Variants in AOPEP observed in about 807,000 individuals in gnomAD.
The protein encoded by AOPEP is aminopeptidase O.
In AOPEP, 77 loss-of-function variants were observed where a neutral mutation model predicts 98.1. The ratio of observed to expected loss-of-function variants is 0.78; its 90% CI spans 0.65 to 0.95. The LOEUF is 0.95. AOPEP is among the 40% of genes least tolerant of loss of function. AOPEP has a pLI of 0.00. For missense variants in AOPEP, 1,024 were observed against 1,024.7 expected (o/e 1.00, Z 0.01); for synonymous variants, 346 against 365.3 (o/e 0.95, Z 0.60).
At chr9:95,072,307 G>T (rs1489476197) in intron 14 of AOPEP, among the ~76,000 whole-genome samples, 4 of 152,254 alleles carry the variant, frequency 2.6e-5, no homozygotes, top group Non-Finnish European at 5.9e-5. Context: ...GAAAAAATTT[G>T]CCAGCCTCTC....
intron 13 of AOPEP, among the ~76,000 whole-genome samples, chr9:95,028,734 C>T (rs1301169506): frequency 6.6e-6 from 1 of 152,164 alleles, no homozygotes; most frequent in Non-Finnish European, 1.5e-5. Flanking sequence ...CAGCCCATTG[C>T]TTCACTGTTG....
At chr9:95,121,771 A>G in the AOPEP span, among the ~76,000 whole-genome samples, 1 of 152,208 alleles carries the variant, frequency 6.6e-6, no homozygotes, top group African/African-American at 2.4e-5. Flanking sequence ...AAAACAACCA[A>G]AACTAAACAA....
the AOPEP span, chr9:95,123,485 C>CA: frequency 2.2e-6 from 1 of 464,876 alleles, no homozygotes; most frequent in Non-Finnish European, 4.3e-6. Flanking sequence ...AATAAAAATA[C>CA]AAAAATTAGT....
At chr9:95,092,044 G>A (rs930818387), downstream of AOPEP, among the ~76,000 whole-genome samples, 1 of 145,148 alleles carries the variant, frequency 6.9e-6, no homozygotes, top group Non-Finnish European at 1.5e-5. Flanking sequence ...GGCACCAAAA[G>A]CCTGTTGAAG....
intron 4 of AOPEP, among the ~76,000 whole-genome samples, chr9:94,797,676 A>C (rs954403945): frequency 6.6e-5 from 10 of 151,658 alleles, no homozygotes; most frequent in African/African-American, 2.4e-4. Context: ...TTCAGTCTCC[A>C]CAGTAAGTTA....
At chr9:95,083,476 G>A (rs553540568) in intron 16 of AOPEP, among the ~76,000 whole-genome samples, 2 of 142,720 alleles carry the variant, frequency 1.4e-5, no homozygotes, top group African/African-American at 5.3e-5. Context: ...GAGCACACGC[G>A]GCACACGCAG....
chr9:95,028,068 A>T (rs902891868), intron 13 of AOPEP, among the ~76,000 whole-genome samples: 1 of 152,234 alleles, frequency 6.6e-6, no homozygotes, highest in Non-Finnish European at 1.5e-5. Flanking sequence ...GAAGCGGGGC[A>T]TGCAGTCTGT....
At chr9:95,096,149 A>C in the AOPEP span, among the ~76,000 whole-genome samples, 3 of 152,032 alleles carry the variant, frequency 2.0e-5, no homozygotes, top group Non-Finnish European at 4.4e-5. Flanking sequence ...AGGGCTGGGG[A>C]GCTTATTCTG....
intron 4 of AOPEP, among the ~76,000 whole-genome samples, chr9:94,797,703 CT>C (rs1298082623): frequency 0.18 from 23,343 of 129,844 alleles, 2,211 homozygotes; most frequent in African/African-American, 0.35. Flanking sequence ...TCTCTCATAC[CT>C]TTTTTTTTTT....
chr9:95,147,569 C>T, the AOPEP span, among the ~76,000 whole-genome samples: 1 of 152,152 alleles, frequency 6.6e-6, no homozygotes, highest in Non-Finnish European at 1.5e-5. Flanking sequence ...AATTCTCTGA[C>T]TCATGAGATG....
chr9:94,883,432 G>T (rs2047826155), intron 5 of AOPEP, among the ~76,000 whole-genome samples: 1 of 152,206 alleles, frequency 6.6e-6, no homozygotes, highest in Non-Finnish European at 1.5e-5. Context: ...ACTGGTTCCA[G>T]CTTGACTTTG....
chr9:94,860,596 C>G (rs1048857055), intron 5 of AOPEP, among the ~76,000 whole-genome samples: 1 of 151,894 alleles, frequency 6.6e-6, no homozygotes, highest in Non-Finnish European at 1.5e-5. Context: ...TTGGAGAGTT[C>G]CAAGATATGC....
chr9:94,953,356 A>T (rs2058241193), intron 7 of AOPEP, among the ~76,000 whole-genome samples: 2 of 152,164 alleles, frequency 1.3e-5, no homozygotes, highest in South Asian at 4.1e-4. Flanking sequence ...GTTAGCTCTG[A>T]TGGTTTTCAT....
chr9:94,777,726 C>T (rs1157469635), intron 3 of AOPEP, among the ~76,000 whole-genome samples: 2 of 147,706 alleles, frequency 1.4e-5, no homozygotes, highest in African/African-American at 5.1e-5. Context: ...CTCTGCTTCC[C>T]GGGCTCAAGC....
intron 6 of AOPEP, 52 bp from the exon 7 acceptor site, chr9:94,928,373 C>T (rs1036573869): frequency 7.5e-7 from 1 of 1,340,054 alleles, no homozygotes; most frequent in East Asian, 2.5e-5. Context: ...ACCAGGACCA[C>T]AACAGTGACT....
intron 9 of AOPEP, among the ~76,000 whole-genome samples, chr9:94,962,399 C>A (rs945466091): frequency 2.0e-5 from 3 of 152,178 alleles, no homozygotes; most frequent in Non-Finnish European, 2.9e-5. Context: ...CGGGTTTGTG[C>A]AGTTCACCAG....
chr9:95,074,117 CTGTG>C (rs1212620271), intron 14 of AOPEP, among the ~76,000 whole-genome samples: 2 of 152,162 alleles, frequency 1.3e-5, no homozygotes, highest in Non-Finnish European at 2.9e-5. Flanking sequence ...TAGCCAGTGC[CTGTG>C]TGTGTGCTTC....
intron 16 of AOPEP, 120 bp downstream of exon 16, chr9:95,082,839 C>G: frequency 1.7e-6 from 2 of 1,200,606 alleles, no homozygotes; most frequent in Non-Finnish European, 1.2e-6. Flanking sequence ...TAGTCGGCTC[C>G]CTGGCCCAGG....
Position 94,760,092 on chromosome 9 carries a change from T to C in AOPEP, c.309T>C (p.Ser103=), listed in dbSNP as rs561825699. Residue 103 remains serine, a synonymous_variant, in exon 2 of 17, where the codon AGT becomes AGC. Transcript: ENST00000375315. ...AATATAATGATTTTGCAATCTGTAG[T>C]AAAGGTGAAAAAGATACTTCTGATA... ...EMEYNDFAIC[S]KGEKDTSDKD... is the part of the protein sequence containing the mutation. The C allele has an allele frequency of 1.9e-6, 3 of 1,614,128 alleles. No individual in the cohort carries two copies. The highest frequency in any genetic ancestry group is 1.7e-6 in the Non-Finnish European group (2 of 1,180,020).
Sources: gnomAD v4.1 joint callset for allele counts (sites outside exome capture counted in the v4.1 genomes callset) on GRCh38, gnomAD v4.1.1 for gene constraint, MANE v1.5 for transcripts, NCBI Gene and HGNC (gene_info 2026-07-23, HGNC 2026-07-21) for gene names.